The following MSI2 variants were observed in gnomAD, a reference collection of about 807,000 sequenced individuals.
MSI2 encodes the protein musashi RNA binding protein 2.
Under a neutral mutation model 45.6 loss-of-function variants are expected in MSI2, and 17 were observed. The observed-to-expected ratio is 0.37, with a 90% CI of 0.26 to 0.56. The LOEUF (loss-of-function observed/expected upper bound fraction) is 0.56. MSI2 is among the 20% of genes least tolerant of loss of function. The pLI, the probability that MSI2 is intolerant of heterozygous loss-of-function variation, is 0.77. For synonymous variants in MSI2, 156 were observed against 158.2 expected (o/e 0.99, Z 0.11); for missense variants, 293 against 444.2 (o/e 0.66, Z 3.06).
At chr17:57,335,229 A>G (rs1249707556) in intron 5 of MSI2, among the ~76,000 whole-genome samples, 1 of 151,982 alleles carries the variant, frequency 6.6e-6, no homozygotes, top group African/African-American at 2.4e-5. Context: ...TTTCCTCTGA[A>G]GTGGATAATA....
chr17:57,603,267 G>A (rs1266407798), intron 8 of MSI2, among the ~76,000 whole-genome samples: 3 of 152,224 alleles, frequency 2.0e-5, no homozygotes, highest in African/African-American at 7.2e-5. Flanking sequence ...GACACGTGAG[G>A]CATGCATCTC....
chr17:57,277,790 C>A (rs1341758237), intron 5 of MSI2: 1 of 152,218 alleles, frequency 6.6e-6, no homozygotes, highest in Non-Finnish European at 1.5e-5. Flanking sequence ...GTAAAGTACA[C>A]CGCCTGGGAG....
chr17:57,327,083 T>C (rs1399898496), intron 5 of MSI2, among the ~76,000 whole-genome samples: 1 of 152,138 alleles, frequency 6.6e-6, no homozygotes, highest in Admixed American at 6.5e-5. Flanking sequence ...GTAATAGCTG[T>C]CTTCATGGTC....
chr17:57,493,232 G>T (rs1474844009), intron 6 of MSI2, among the ~76,000 whole-genome samples: 1 of 152,146 alleles, frequency 6.6e-6, no homozygotes, highest in Non-Finnish European at 1.5e-5. Context: ...AGCAGTTTTG[G>T]GAATGGGAGC....
rs149120693 is a variant in MSI2 at position 57,632,761 on chromosome 17, C to A, written c.727+5458C>A. 4.7e-4 allele frequency: 505 copies of A among 1,065,924 alleles called. 3 individuals are homozygous for A. The African/African-American group carries it at 7.9e-3, about 17-fold the overall frequency. 66.0% of individuals were successfully genotyped at this position (1,065,924 alleles called of 1,614,324 possible). On this transcript the variant is annotated intron_variant, in intron 10 of 13. Coordinates refer to ENST00000284073, the MANE Select transcript of MSI2 (RefSeq NM_138962.4). ...GGACCCTCAAGAGTCACTGCTTTGT[C>A]TGTGCTGGTAGTTTGTGAGAAGTGA...
At chr17:57,559,075 G>A (rs988243800) in intron 7 of MSI2, among the ~76,000 whole-genome samples, 2 of 151,974 alleles carry the variant, frequency 1.3e-5, no homozygotes, top group Admixed American at 1.3e-4. Context: ...AAAAAAGAAA[G>A]AAAGAAATCA....
At chr17:57,422,997 C>T (rs1222911090) in intron 6 of MSI2, among the ~76,000 whole-genome samples, 4 of 152,006 alleles carry the variant, frequency 2.6e-5, no homozygotes, top group South Asian at 2.1e-4. Context: ...GTACTGGGTG[C>T]GTGTATAGCA....
At chr17:57,530,423 C>T (rs1297034683) in intron 7 of MSI2, among the ~76,000 whole-genome samples, 2 of 152,284 alleles carry the variant, frequency 1.3e-5, no homozygotes, top group African/African-American at 4.8e-5. Context: ...TCTTCCTTCC[C>T]CAAAAAGAAC....
At chr17:57,590,518 T>C (rs1018737879) in intron 7 of MSI2, among the ~76,000 whole-genome samples, 1 of 152,244 alleles carries the variant, frequency 6.6e-6, no homozygotes, top group Non-Finnish European at 1.5e-5. Flanking sequence ...TGTTAAATGC[T>C]TATCTCTTAA....
At chr17:57,258,230 A>G (rs1238842496) in intron 3 of MSI2, 40 bp from the exon 4 acceptor site, 1 of 1,591,492 alleles carries the variant, frequency 6.3e-7, no homozygotes, top group South Asian at 1.1e-5. Flanking sequence ...ATGGTGTCAC[A>G]TTTTCTTGTT....
chr17:57,684,969 G>A (rs1913830073), downstream of MSI2, among the ~76,000 whole-genome samples: 1 of 152,156 alleles, frequency 6.6e-6, no homozygotes, highest in Non-Finnish European at 1.5e-5. Flanking sequence ...TGAGTGGACA[G>A]GGAATAAACC....
chr17:57,303,718 C>T (rs1911616304), intron 5 of MSI2, among the ~76,000 whole-genome samples: 2 of 152,158 alleles, frequency 1.3e-5, no homozygotes, highest in South Asian at 2.1e-4. Context: ...ATATGATGGG[C>T]CCTTTGAGGA....
At chr17:57,544,438 CTT>C (rs2087119661) in intron 7 of MSI2, among the ~76,000 whole-genome samples, 1 of 152,118 alleles carries the variant, frequency 6.6e-6, no homozygotes, top group Non-Finnish European at 1.5e-5. Context: ...TTCATCCCCT[CTT>C]TTCTTTTCTT....
At chr17:57,603,465 A>G (rs1029206768) in intron 8 of MSI2, among the ~76,000 whole-genome samples, 8 of 152,208 alleles carry the variant, frequency 5.3e-5, no homozygotes, top group Non-Finnish European at 1.2e-4. Flanking sequence ...CTCCTGTGGG[A>G]AATCAGAAGG....
At chr17:57,648,822 C>T (rs1230840550) in intron 10 of MSI2, among the ~76,000 whole-genome samples, 1 of 152,208 alleles carries the variant, frequency 6.6e-6, no homozygotes, top group African/African-American at 2.4e-5. Context: ...CCAGCCCCTG[C>T]TTTCCCAAGG....
chr17:57,650,739 C>T (rs894092928), intron 10 of MSI2, among the ~76,000 whole-genome samples: 2 of 152,182 alleles, frequency 1.3e-5, no homozygotes, highest in Non-Finnish European at 2.9e-5. Context: ...CATGTTCCCC[C>T]TTTGAACTTC....
chr17:57,407,094 A>C lies in MSI2; in HGVS notation c.405+5623A>C, dbSNP rs1294417648. ...GGATTGGGGTTGTGTGGGGGCCCAT[A>C]AAAGTTAACTTGAGCTCTGGAGAAT... On this transcript the variant is annotated intron_variant, in intron 6 of 13. Coordinates refer to ENST00000284073, the MANE Select transcript of MSI2 (RefSeq NM_138962.4). The surrounding 1 kb of genome is among the most constrained non-coding windows in gnomAD (Gnocchi z 4.1). The C allele has an allele frequency of 6.6e-6, 1 of 152,136 alleles. No homozygotes were observed. The highest frequency in any genetic ancestry group is 6.5e-5 in the Admixed American group (1 of 15,274). 9.4% of individuals were successfully genotyped at this position (152,136 alleles called of 1,614,324 possible). A position where few individuals can be genotyped will look rare whatever the true frequency, so the allele number is the denominator to read the frequency against.
chr17:57,289,808 G>A (rs1407141455), intron 5 of MSI2, among the ~76,000 whole-genome samples: 1 of 152,232 alleles, frequency 6.6e-6, no homozygotes, highest in East Asian at 1.9e-4. Flanking sequence ...GCAGCCCGGT[G>A]CACCCTGCTC....
At chr17:57,527,765 C>T (rs950351042) in intron 6 of MSI2, among the ~76,000 whole-genome samples, 7 of 152,206 alleles carry the variant, frequency 4.6e-5, no homozygotes, top group African/African-American at 7.2e-5. Flanking sequence ...GGTTTATGAC[C>T]GGCTTGCCTA....
Sources: gnomAD v4.1 joint callset for allele counts (sites outside exome capture counted in the v4.1 genomes callset) on GRCh38, gnomAD v4.1.1 for gene constraint, Gnocchi (gnomAD v3.1) non-coding constraint, MANE v1.5 for transcripts, NCBI Gene and HGNC (gene_info 2026-07-23, HGNC 2026-07-21) for gene names.